The following TTC21B variants were observed in gnomAD, a reference collection of about 807,000 sequenced individuals.
TTC21B encodes the protein tetratricopeptide repeat protein 21B.
Under a neutral mutation model 175.1 loss-of-function variants are expected in TTC21B, and 127 were observed. The observed-to-expected ratio is 0.73, with a 90% CI of 0.63 to 0.84. TTC21B has a LOEUF of 0.84. TTC21B is among the 40% of genes least tolerant of loss of function. The pLI, the probability that TTC21B is intolerant of heterozygous loss-of-function variation, is 0.00. For synonymous variants in TTC21B, 524 were observed against 524.5 expected (o/e 1.00, Z 0.01); for missense variants, 1,561 against 1,558.3 (o/e 1.00, Z -0.03).
At position 165,901,930 on chromosome 2, in the gene TTC21B, A is replaced by G; in HGVS notation, c.2569-20T>C. The G allele has an allele frequency of 6.2e-7, 1 of 1,602,730 alleles. No individual in the cohort carries two copies. The highest frequency in any genetic ancestry group is 8.5e-7 in the Non-Finnish European group (1 of 1,171,842). Reference sequence around the variant, plus strand: ...TCGAGCCTAGAAAAAATCAGTATAAAAGGGAATAAAAAAAAAAAAGGAAAT... The same window carrying G: ...TCGAGCCTAGAAAAAATCAGTATAAGAGGGAATAAAAAAAAAAAAGGAAAT... On this transcript the variant is annotated intron_variant, in intron 19 of 28. Transcript: ENST00000243344.
At chr2:165,877,425 C>T (rs1319588543) in intron 27 of TTC21B, among the ~76,000 whole-genome samples, 1 of 152,002 alleles carries the variant, frequency 6.6e-6, no homozygotes, top group African/African-American at 2.4e-5. Flanking sequence ...GATGGTGGTC[C>T]CAAAGATTTT....
At chr2:165,917,157 G>A in intron 14 of TTC21B, 100 bp downstream of exon 14, 7 of 1,133,386 alleles carry the variant, frequency 6.2e-6, no homozygotes, top group Non-Finnish European at 9.2e-6. Context: ...GGGATTACAG[G>A]TGTGAGCCAC....
rs374094200 is a variant in TTC21B at position 165,933,076 on chromosome 2, G to C, written c.711-19C>G. The C allele has an allele frequency of 5.0e-6, 8 of 1,605,416 alleles. No homozygotes were observed. In the Middle Eastern group the frequency reaches 8.3e-4, roughly 166 times the overall value. ...CAGCAACCTGCAGGAAAACAATTTA[G>C]TTAATGTCAAAATAAATTTATATAT... On this transcript the variant is annotated intron_variant, in intron 6 of 28. Coordinates refer to ENST00000243344, the MANE Select transcript of TTC21B (RefSeq NM_024753.5).
chr2:165,885,449 G>C (rs1027535706), intron 25 of TTC21B, among the ~76,000 whole-genome samples: 6 of 152,180 alleles, frequency 3.9e-5, no homozygotes, highest in Non-Finnish European at 7.4e-5. Context: ...CTCTAGGTAA[G>C]GGGTGGCAAA....
At chr2:165,876,339 C>A in intron 27 of TTC21B, 107 bp from the exon 28 acceptor site, 1 of 764,780 alleles carries the variant, frequency 1.3e-6, no homozygotes, top group Non-Finnish European at 2.3e-6. Flanking sequence ...GTAAGGGAGG[C>A]TGGTGAATGA....
intron 15 of TTC21B, 60 bp from the exon 16 acceptor site, chr2:165,913,706 A>C: frequency 2.9e-6 from 4 of 1,392,206 alleles, no homozygotes; most frequent in Non-Finnish European, 4.1e-6. Context: ...TCCAAAAATA[A>C]AATAAAATAA....
intron 27 of TTC21B, among the ~76,000 whole-genome samples, chr2:165,878,553 T>G (rs11897958): frequency 0.15 from 21,437 of 146,086 alleles, 1,808 homozygotes; most frequent in East Asian, 0.27. Context: ...TATATGTGTG[T>G]GTGTGTATAT....
intron 22 of TTC21B, among the ~76,000 whole-genome samples, chr2:165,891,442 C>T (rs1685188952): frequency 1.3e-5 from 2 of 152,078 alleles, no homozygotes; most frequent in South Asian, 2.1e-4. Flanking sequence ...ATGGGATGGA[C>T]AATAAGAAAT....
intron 12 of TTC21B, among the ~76,000 whole-genome samples, chr2:165,923,888 G>A (rs527566062): frequency 2.2e-4 from 34 of 151,546 alleles, no homozygotes; most frequent in African/African-American, 8.2e-4. Flanking sequence ...AGTAACTGGG[G>A]CTACAGGCAC....
chr2:165,877,302 C>A (rs1684695376), intron 27 of TTC21B, among the ~76,000 whole-genome samples: 1 of 152,126 alleles, frequency 6.6e-6, no homozygotes, highest in South Asian at 2.1e-4. Flanking sequence ...TACTGGCTAA[C>A]ATTATCAGAT....
intron 28 of TTC21B, 21 bp downstream of exon 28, chr2:165,876,144 A>T: frequency 6.6e-7 from 1 of 1,512,298 alleles, no homozygotes; most frequent in Non-Finnish European, 9.2e-7. Context: ...AATTTTAAGA[A>T]ATCTAAATTT....
Position 165,946,682 on chromosome 2 carries a change from A to C in TTC21B, c.263-992T>G, listed in dbSNP as rs543612010. On this transcript the variant is annotated intron_variant, in intron 3 of 28. Coordinates refer to ENST00000243344, the MANE Select transcript of TTC21B (RefSeq NM_024753.5). ...GCGAAACTCCATCTAAAAATAAAAAACAAAAATAGATGGGCGTGGTGGTGG... is the reference window on the plus strand; with the variant it reads ...GCGAAACTCCATCTAAAAATAAAAACCAAAAATAGATGGGCGTGGTGGTGG... Among the ~76,000 whole-genome samples the C allele has an allele frequency of 8.5e-5, 13 of 152,108 alleles. No homozygotes were observed. The East Asian group carries it at 2.5e-3, about 30-fold the overall frequency.
intron 25 of TTC21B, among the ~76,000 whole-genome samples, chr2:165,888,026 T>C (rs1685066230): frequency 6.6e-6 from 1 of 152,216 alleles, no homozygotes; most frequent in Non-Finnish European, 1.5e-5. Flanking sequence ...TTAACTTATA[T>C]ACTTTTGAAG....
Position 165,907,724 on chromosome 2 carries a change from TA to T in TTC21B, c.2521del (p.Tyr841IlefsTer25), listed in dbSNP as rs1241301882. The T allele has an allele frequency of 1.4e-5, 23 of 1,613,196 alleles. No homozygotes were observed. Among genetic ancestry groups the T allele is most frequent in the Non-Finnish European group, 1.9e-5 (23 of 1,179,710 alleles). ...ATCACCAAGTTTTTCCATTTTACTA[TA>T]AACTTTTGCTAGAAGAACTTGACAA... ...GRCQVLLAKV[Y>X]SKMEKLGDAI... On this transcript the variant is annotated frameshift_variant, in exon 19 of 29. Coordinates refer to ENST00000243344, the MANE Select transcript of TTC21B (RefSeq NM_024753.5). LOFTEE classifies it high-confidence loss of function.
chr2:165,950,578 G>A (rs750689929), intron 1 of TTC21B, among the ~76,000 whole-genome samples: 2 of 152,154 alleles, frequency 1.3e-5, no homozygotes, highest in Non-Finnish European at 2.9e-5. Flanking sequence ...GTGACTAAGT[G>A]ACAGGATTGA....
intron 6 of TTC21B, among the ~76,000 whole-genome samples, chr2:165,937,850 T>C (rs1310471332): frequency 2.0e-5 from 3 of 147,572 alleles, no homozygotes; most frequent in Non-Finnish European, 3.0e-5. Context: ...TCTTGAAAGA[T>C]ATATACATCA....
chr2:165,882,981 A>C (rs1684885705), intron 26 of TTC21B, among the ~76,000 whole-genome samples: 1 of 152,278 alleles, frequency 6.6e-6, no homozygotes, highest in Non-Finnish European at 1.5e-5. Context: ...AAATGCTTGG[A>C]TCTTTCAGGT....
intron 18 of TTC21B, among the ~76,000 whole-genome samples, chr2:165,908,039 A>G (rs938834146): frequency 1.3e-5 from 2 of 152,208 alleles, no homozygotes; most frequent in Non-Finnish European, 2.9e-5. Context: ...ATATATTAGG[A>G]GATAACAATT....
At chr2:165,881,708 T>A (rs1684842001) in intron 26 of TTC21B, among the ~76,000 whole-genome samples, 1 of 152,168 alleles carries the variant, frequency 6.6e-6, no homozygotes, top group Admixed American at 6.5e-5. Flanking sequence ...ATCAGTGCTA[T>A]GATAAGCCAC....
Sources: allele counts gnomAD v4.1 joint callset (sites outside exome capture counted in the v4.1 genomes callset), GRCh38; gene constraint gnomAD v4.1.1; transcripts MANE v1.5; gene names NCBI Gene and HGNC (gene_info 2026-07-23, HGNC 2026-07-21).